The following HNRNPLL variants were observed in gnomAD, a reference collection of about 807,000 sequenced individuals.
The protein encoded by HNRNPLL is heterogeneous nuclear ribonucleoprotein L-like.
A neutral mutation model predicts 67.1 loss-of-function variants in HNRNPLL; 25 were observed. The observed-to-expected ratio is 0.37, with a 90% CI of 0.27 to 0.52. HNRNPLL has a LOEUF of 0.52. Ranked by LOEUF, HNRNPLL falls within the 20% of genes least tolerant of loss-of-function variation. The pLI is 0.90. For missense variants in HNRNPLL, 542 were observed against 673.9 expected, an observed-to-expected ratio of 0.80 and a Z score of 2.17; for synonymous variants, 267 against 241.7, an observed-to-expected ratio of 1.10 and a Z score of -0.97.
At chr2:38,592,581 T>G (rs1016483519) in intron 1 of HNRNPLL, among the ~76,000 whole-genome samples, 1 of 152,258 alleles carries the variant, frequency 6.6e-6, no homozygotes, top group African/African-American at 2.4e-5. Context: ...CGGAATATTG[T>G]GTATCTTCGA....
chr2:38,570,446 C>G (rs577270075), intron 8 of HNRNPLL, among the ~76,000 whole-genome samples: 1 of 152,078 alleles, frequency 6.6e-6, no homozygotes, highest in South Asian at 2.1e-4. Flanking sequence ...TCTGTTAATG[C>G]AGTAAACAAG....
chr2:38,600,625 C>T lies in HNRNPLL; in HGVS notation c.189+1813G>A, dbSNP rs559260102. Among the ~76,000 whole-genome samples, 5 of 151,842 alleles carry T rather than the reference C, an allele frequency of 3.3e-5. No homozygotes were observed. The South Asian group carries it at 8.3e-4, about 25-fold the overall frequency. ...ATGCAGGCTTCCAGTCCCAGCAACCCGGGAGGCTGAGGTAGGAGGATCGCT... is the reference window on the plus strand; with the variant it reads ...ATGCAGGCTTCCAGTCCCAGCAACCTGGGAGGCTGAGGTAGGAGGATCGCT... On this transcript the variant is annotated intron_variant, in intron 1 of 12. Transcript: ENST00000449105.
At chr2:38,580,052 T>A (rs1437732544) in intron 6 of HNRNPLL, among the ~76,000 whole-genome samples, 1 of 152,190 alleles carries the variant, frequency 6.6e-6, no homozygotes, top group African/African-American at 2.4e-5. Context: ...TGTGTAAACA[T>A]CAGACCCTTT....
intron 1 of HNRNPLL, 22 bp downstream of exon 1, chr2:38,602,416 C>G (rs1667480397): frequency 6.5e-7 from 1 of 1,546,192 alleles, no homozygotes; most frequent in Non-Finnish European, 8.7e-7. Flanking sequence ...GCACAGCGGA[C>G]AGGGGGGCCG....
intron 6 of HNRNPLL, among the ~76,000 whole-genome samples, chr2:38,579,823 G>C (rs1352447536): frequency 6.6e-6 from 1 of 151,902 alleles, no homozygotes; most frequent in East Asian, 1.9e-4. Context: ...CTATCAATTT[G>C]AGTGCAAGCT....
intron 1 of HNRNPLL, among the ~76,000 whole-genome samples, chr2:38,591,906 G>A (rs578180754): frequency 2.6e-5 from 4 of 152,214 alleles, no homozygotes; most frequent in African/African-American, 9.6e-5. Flanking sequence ...AATCCGGGAG[G>A]TGGAGGCTGC....
At chr2:38,566,345 G>T (rs1665858879) in intron 12 of HNRNPLL, 1 of 147,216 alleles carries the variant, frequency 6.8e-6, no homozygotes, top group Non-Finnish European at 1.5e-5. Flanking sequence ...TACAGTCTGG[G>T]GGACAGAGCA....
In HNRNPLL at chr2:38,569,354, G is replaced by A; in HGVS notation, c.1215-20C>T. The stretch of plus-strand genomic sequence containing the variant: ...GACACGCTAAAGATTGTAAAGAAAA[G>A]ACATACAAAAGTACTTTGTTAGATA... On this transcript the variant is annotated intron_variant, in intron 9 of 12. Coordinates refer to ENST00000449105, the MANE Select transcript of HNRNPLL (RefSeq NM_138394.4). The A allele has an allele frequency of 1.3e-6, 2 of 1,550,410 alleles. No individual in the cohort carries two copies. The highest frequency in any genetic ancestry group is 1.8e-6 in the Non-Finnish European group (2 of 1,125,602).
Position 38,601,465 on chromosome 2 carries a change from A to T in HNRNPLL, c.189+973T>A, listed in dbSNP as rs374073834. 2.0e-5 allele frequency: 3 copies of T among 152,240 alleles called. No homozygotes were observed. The East Asian group carries it at 5.8e-4, about 29-fold the overall frequency. The allele number at this position is 152,240 out of a possible 1,614,324, so 9.4% of individuals were successfully genotyped here. A position where few individuals can be genotyped will look rare whatever the true frequency, so the allele number is the denominator to read the frequency against. ...GAATTAATCACAATTCATGTGTTAA[A>T]TGTTTAAATAACATCTAAGTCATTA... On this transcript the variant is annotated intron_variant, in intron 1 of 12. Coordinates refer to ENST00000449105, the MANE Select transcript of HNRNPLL (RefSeq NM_138394.4).
chr2:38,602,651 G>T lies in HNRNPLL; in HGVS notation c.-25C>A. 1 of 1,483,918 alleles carries T rather than the reference G, an allele frequency of 6.7e-7. No individual in the cohort carries two copies. Among genetic ancestry groups the T allele is most frequent in the Non-Finnish European group, 8.9e-7 (1 of 1,120,536 alleles). 91.9% of individuals were successfully genotyped at this position (1,483,918 alleles called of 1,614,324 possible). ...TGGCGGCGGCCGGAGGGACCGGCTG[G>T]CAGGCGGGTGGGGGTGGCGGTGGGG... On this transcript the variant is annotated 5_prime_UTR_variant, in exon 1 of 13. Transcript: ENST00000449105.
chr2:38,582,645 C>A (rs1192777794), intron 4 of HNRNPLL, among the ~76,000 whole-genome samples: 1 of 151,748 alleles, frequency 6.6e-6, no homozygotes, highest in Non-Finnish European at 1.5e-5. Flanking sequence ...GGTGGCTGGG[C>A]ACAGTTGCTC....
chr2:38,592,040 A>C (rs1271499685), intron 1 of HNRNPLL, among the ~76,000 whole-genome samples: 13 of 152,230 alleles, frequency 8.5e-5, no homozygotes, highest in African/African-American at 2.9e-4. Context: ...AAACCTGCTT[A>C]AAAAGTAAAC....
intron 7 of HNRNPLL, among the ~76,000 whole-genome samples, chr2:38,576,477 T>C (rs1169946744): frequency 6.6e-6 from 1 of 151,850 alleles, no homozygotes; most frequent in Non-Finnish European, 1.5e-5. Context: ...CCACACTTAC[T>C]GTTTTGACAA....
chr2:38,601,038 G>T (rs1217352433), intron 1 of HNRNPLL, among the ~76,000 whole-genome samples: 1 of 152,112 alleles, frequency 6.6e-6, no homozygotes, highest in Non-Finnish European at 1.5e-5. Context: ...CGAATACATC[G>T]AAATATCAGT....
At chr2:38,592,075 C>T (rs1362864381) in intron 1 of HNRNPLL, among the ~76,000 whole-genome samples, 2 of 152,032 alleles carry the variant, frequency 1.3e-5, no homozygotes. Flanking sequence ...CAAACCAAAT[C>T]GCAATTCACA....
intron 1 of HNRNPLL, among the ~76,000 whole-genome samples, chr2:38,597,562 C>G (rs561222246): frequency 1.1e-4 from 16 of 152,280 alleles, no homozygotes; most frequent in African/African-American, 3.6e-4. Flanking sequence ...TGGTCTTTTT[C>G]TCTTTGTAAA....
chr2:38,593,036 T>C (rs76722668), intron 1 of HNRNPLL, among the ~76,000 whole-genome samples: 5,141 of 152,286 alleles, frequency 0.034, 120 homozygotes, highest in South Asian at 0.079. Flanking sequence ...CTGATTTAAA[T>C]ATATAAAGTA....
chr2:38,592,625 T>C (rs1667009593), intron 1 of HNRNPLL, among the ~76,000 whole-genome samples: 1 of 152,238 alleles, frequency 6.6e-6, no homozygotes. Flanking sequence ...AATGTAAGAA[T>C]ATGGTCTTAA....
intron 1 of HNRNPLL, chr2:38,602,221 T>C (rs924486613): frequency 1.2e-5 from 6 of 520,736 alleles, no homozygotes; most frequent in Non-Finnish European, 2.0e-5. Context: ...GTGGACTCGC[T>C]GCGGGGCCTG....
Sources: allele counts gnomAD v4.1 joint callset (sites outside exome capture counted in the v4.1 genomes callset), GRCh38; gene constraint gnomAD v4.1.1; transcripts MANE v1.5; gene names NCBI Gene and HGNC (gene_info 2026-07-23, HGNC 2026-07-21).